The following NPNT variants were observed in gnomAD, a reference collection of about 807,000 sequenced individuals.
The protein encoded by NPNT is nephronectin, also known as preosteoblast EGF-like repeat protein with MAM domain.
NPNT carries 45 observed loss-of-function variants against 68.6 expected under a neutral mutation model. That is an observed-to-expected ratio of 0.66 (90% confidence interval 0.52 to 0.84). The LOEUF (loss-of-function observed/expected upper bound fraction) is 0.84, where lower values mean the gene tolerates loss of function less well. Among genes scored for constraint, NPNT ranks in the 40% least tolerant of loss-of-function variants. The pLI is 0.00. For missense variants in NPNT, 672 were observed against 714.8 expected, an observed-to-expected ratio of 0.94 and a Z score of 0.68; for synonymous variants, 233 against 253.3, an observed-to-expected ratio of 0.92 and a Z score of 0.76.
At chr4:105,911,371 T>G (rs937884006) in intron 2 of NPNT, among the ~76,000 whole-genome samples, 2 of 152,162 alleles carry the variant, frequency 1.3e-5, no homozygotes, top group South Asian at 4.1e-4. Context: ...TTCACCTAAT[T>G]TTAAATTATA....
chr4:105,947,767 C>T (rs988108186), intron 8 of NPNT, among the ~76,000 whole-genome samples: 1 of 152,090 alleles, frequency 6.6e-6, no homozygotes, highest in Non-Finnish European at 1.5e-5. Flanking sequence ...TTTGAACATT[C>T]TTTATTTTCC....
In NPNT at chr4:105,969,122, G is replaced by A. The variant is rs1732395094; in HGVS notation, c.*132G>A. On this transcript the variant is annotated 3_prime_UTR_variant, in exon 12 of 12. Coordinates refer to ENST00000379987, the MANE Select transcript of NPNT (RefSeq NM_001033047.3). ...AGTGGGTCAGAAGGAAGTCTATTTG[G>A]TGACCCAGGTTTTTCTGGCCTGCTT... 2 of 596,970 alleles carry A rather than the reference G, an allele frequency of 3.4e-6. No individual in the cohort carries two copies. Among genetic ancestry groups the A allele is most frequent in the East Asian group, 5.6e-5 (2 of 35,642 alleles). The allele number at this position is 596,970 out of a possible 1,614,324, so 37.0% of individuals were successfully genotyped here. A position where few individuals can be genotyped will look rare whatever the true frequency, so the allele number is the denominator to read the frequency against.
chr4:105,924,040 C>T (rs1000654688), intron 2 of NPNT, among the ~76,000 whole-genome samples: 2 of 111,036 alleles, frequency 1.8e-5, no homozygotes, highest in Admixed American at 8.6e-5. Context: ...CTTTGCTGCG[C>T]CCCCCCCCCA....
At chr4:105,955,685 T>C (rs996216583) in intron 8 of NPNT, among the ~76,000 whole-genome samples, 1 of 150,106 alleles carries the variant, frequency 6.7e-6, no homozygotes, top group African/African-American at 2.5e-5. Context: ...TATCCCTCTT[T>C]AGTCCTTTTT....
chr4:105,920,145 C>T (rs1728141435), intron 2 of NPNT, among the ~76,000 whole-genome samples: 1 of 151,738 alleles, frequency 6.6e-6, no homozygotes, highest in African/African-American at 2.4e-5. Context: ...TACCGTTATT[C>T]TTCTTGATGC....
chr4:105,945,467 T>C (rs2149381996), intron 8 of NPNT, among the ~76,000 whole-genome samples: 1 of 152,328 alleles, frequency 6.6e-6, no homozygotes, highest in East Asian at 1.9e-4. Context: ...TTAAACATCC[T>C]CTACTCTCAG....
rs1729203078 is a variant in NPNT, at chr4:105,932,650, A to G, written c.266-4359A>G. The G allele has an allele frequency of 1.4e-5, 22 of 1,536,038 alleles. No individual in the cohort carries two copies. In the East Asian group the frequency reaches 5.4e-4, roughly 38 times the overall value. On this transcript the variant is annotated intron_variant, in intron 3 of 11. Coordinates refer to ENST00000379987, the MANE Select transcript of NPNT (RefSeq NM_001033047.3). ...CCAGCTCCTCTTGACCAAGGCAGTG[A>G]ACAGCCTCTTTTCCAACCCCTGGAT... is the stretch of plus-strand genomic sequence containing the variant.
In NPNT at chr4:105,971,206, G is replaced by A. The variant is rs1188205306; in HGVS notation, c.*2216G>A. On this transcript the variant is annotated 3_prime_UTR_variant, in exon 12 of 12. Transcript: ENST00000379987. ...AAGTTATCTTGGCTGCTGAGAAAGA[G>A]TGCCCTGCCCCACACCGGCAGACCT... 1 of 455,000 alleles carries A rather than the reference G, an allele frequency of 2.2e-6. No homozygotes were observed. The highest frequency in any genetic ancestry group is 4.4e-6 in the Non-Finnish European group (1 of 225,960). The allele number at this position is 455,000 out of a possible 1,614,324, so 28.2% of individuals were successfully genotyped here.
intron 8 of NPNT, among the ~76,000 whole-genome samples, chr4:105,953,573 A>G (rs568637942): frequency 1.3e-5 from 2 of 152,292 alleles, no homozygotes; most frequent in African/African-American, 4.8e-5. Flanking sequence ...TGTGATGCAT[A>G]TGTCCTGCAT....
chr4:105,953,608 G>C (rs1730995978), intron 8 of NPNT, among the ~76,000 whole-genome samples: 1 of 152,156 alleles, frequency 6.6e-6, no homozygotes, highest in Admixed American at 6.5e-5. Flanking sequence ...GGGGGAGAGA[G>C]AGACAGGGAG....
At chr4:105,951,940 G>A (rs1234581233) in intron 8 of NPNT, among the ~76,000 whole-genome samples, 1 of 152,082 alleles carries the variant, frequency 6.6e-6, no homozygotes, top group East Asian at 1.9e-4. Flanking sequence ...CTGTGCCTTT[G>A]TTTTCTTATC....
At chr4:105,931,668 CAAAAAAAA>C (rs59960189) in intron 3 of NPNT, among the ~76,000 whole-genome samples, 15 of 99,910 alleles carry the variant, frequency 1.5e-4, no homozygotes, top group South Asian at 7.1e-4. Flanking sequence ...ACTAAAAATA[CAAAAAAAA>C]AAAAAAAAAA....
intron 7 of NPNT, 95 bp downstream of exon 7, chr4:105,940,731 A>G (rs1367686853): frequency 4.6e-6 from 5 of 1,098,266 alleles, no homozygotes; most frequent in Admixed American, 2.2e-5. Context: ...AAGATTATCA[A>G]AGAAGTATAA....
At chr4:105,918,428 A>G (rs900708424) in intron 2 of NPNT, among the ~76,000 whole-genome samples, 3 of 152,218 alleles carry the variant, frequency 2.0e-5, no homozygotes, top group African/African-American at 7.2e-5. Flanking sequence ...TTAAAAAATG[A>G]TAATTTTCAA....
In NPNT at chr4:105,937,035, C is replaced by T. The variant is rs146719637; in HGVS notation, c.292C>T (p.Arg98Trp). 66 of 1,613,264 alleles carry T rather than the reference C, an allele frequency of 4.1e-5. No individual in the cohort carries two copies. The highest frequency in any genetic ancestry group is 6.7e-5 in the Admixed American group (4 of 59,884). ...TCTAAATGAGTGTGGCCTGAAGCCC[C>T]GGCCCTGTAAGCACAGGTGCATGAA... is the stretch of plus-strand genomic sequence containing the variant. ...QDLNECGLKPRPCKHRCMNTY... is the reference protein window; with the variant it reads ...QDLNECGLKPWPCKHRCMNTY... Residue 98 changes from arginine to tryptophan, a missense_variant, in exon 4 of 12, where the codon CGG becomes TGG. Physicochemically the swap from Arg to Trp is moderately radical, Grantham distance 101. Transcript: ENST00000379987.
rs774293887 is a variant in NPNT at position 105,898,002 on chromosome 4, G to A, written c.172+1G>A. On this transcript the variant is annotated splice_donor_variant, in intron 2 of 11. Coordinates refer to ENST00000379987, the MANE Select transcript of NPNT (RefSeq NM_001033047.3). LOFTEE classifies it high-confidence loss of function. ...CGCCAGTCTTGGGGACAGTGTCAGCGTGAGTATCAAGCCTGGGGACTTCAG... is the reference window on the plus strand; with the variant it reads ...CGCCAGTCTTGGGGACAGTGTCAGCATGAGTATCAAGCCTGGGGACTTCAG... The A allele has an allele frequency of 1.3e-5, 21 of 1,597,670 alleles. No individual in the cohort carries two copies. The highest frequency in any genetic ancestry group is 2.2e-5 in the East Asian group (1 of 44,786).
At chr4:105,899,166 A>G (rs1385920564) in intron 2 of NPNT, among the ~76,000 whole-genome samples, 1 of 152,202 alleles carries the variant, frequency 6.6e-6, no homozygotes, top group African/African-American at 2.4e-5. Context: ...AGGGACAGTG[A>G]CAGTCACAGA....
chr4:105,919,421 A>G (rs1728069804), intron 2 of NPNT, among the ~76,000 whole-genome samples: 1 of 152,136 alleles, frequency 6.6e-6, no homozygotes, highest in Non-Finnish European at 1.5e-5. Flanking sequence ...TAGTATTGAT[A>G]TAATAATGCT....
At chr4:105,940,017 C>G (rs762287560) in intron 5 of NPNT, 58 bp from the exon 6 acceptor site, 24 of 1,473,292 alleles carry the variant, frequency 1.6e-5, no homozygotes, top group Non-Finnish European at 2.2e-5. Context: ...ATTTTGAAAC[C>G]CACTCTGTCT....
Sources: gnomAD v4.1 joint callset for allele counts (sites outside exome capture counted in the v4.1 genomes callset) on GRCh38, gnomAD v4.1.1 for gene constraint, MANE v1.5 for transcripts, NCBI Gene and HGNC (gene_info 2026-07-23, HGNC 2026-07-21) for gene names.